SHROOM3: variants seen among roughly 807,000 people sequenced by gnomAD.
The protein encoded by SHROOM3 is shroom family member 3, also known as protein Shroom3.
In SHROOM3, 47 loss-of-function variants were observed where a neutral mutation model predicts 138.6. The ratio of observed to expected loss-of-function variants is 0.34; its 90% CI spans 0.27 to 0.43. The LOEUF (loss-of-function observed/expected upper bound fraction) is 0.43. Among genes scored for constraint, SHROOM3 ranks in the 20% least tolerant of loss-of-function variants. The pLI, the probability that SHROOM3 is intolerant of heterozygous loss-of-function variation, is 1.00. For missense variants in SHROOM3, 2,491 were observed against 2,596.5 expected (o/e 0.96, Z 0.88); for synonymous variants, 1,062 against 1,063.3 (o/e 1.00, Z 0.02).
At chr4:76,465,872 G>A (rs1030498113) in intron 1 of SHROOM3, among the ~76,000 whole-genome samples, 5 of 152,160 alleles carry the variant, frequency 3.3e-5, no homozygotes, top group Non-Finnish European at 5.9e-5. Flanking sequence ...AACTAAATAT[G>A]CCATGCATAA....
intron 3 of SHROOM3, among the ~76,000 whole-genome samples, chr4:76,716,616 T>C (rs1720384886): frequency 6.6e-6 from 1 of 152,242 alleles, no homozygotes; most frequent in African/African-American, 2.4e-5. Flanking sequence ...TTTGGTGTAG[T>C]ATTAATATTT....
At chr4:76,496,382 G>A (rs1055093305) in intron 1 of SHROOM3, among the ~76,000 whole-genome samples, 6 of 152,206 alleles carry the variant, frequency 3.9e-5, no homozygotes, top group Non-Finnish European at 7.3e-5. Context: ...CGTGGAGCAG[G>A]TGTCCCTAAT....
chr4:76,608,805 C>A (rs1045621055), intron 2 of SHROOM3, among the ~76,000 whole-genome samples: 4 of 152,138 alleles, frequency 2.6e-5, no homozygotes, highest in African/African-American at 7.2e-5. Context: ...GTGGAATAAC[C>A]TTGAGCAAGT....
chr4:76,622,406 A>T (rs1461991269), intron 2 of SHROOM3, among the ~76,000 whole-genome samples: 1 of 151,868 alleles, frequency 6.6e-6, no homozygotes, highest in Non-Finnish European at 1.5e-5. Flanking sequence ...AACATTCTTG[A>T]CTCCTGAGGC....
rs760622199 is a variant in SHROOM3 at position 76,738,913 on chromosome 4, A to G, written c.740A>G (p.Asp247Gly). 6.2e-7 allele frequency: 1 copy of G among 1,614,192 alleles called. No homozygotes were observed. Among genetic ancestry groups the G allele is most frequent in the East Asian group, 2.2e-5 (1 of 44,880 alleles). Reference protein sequence around the residue: ...LSPAKSTGSIDQLSHFHNKRD... With the variant: ...LSPAKSTGSIGQLSHFHNKRD... Reference sequence around the variant, plus strand: ...CCTGCCAAGTCCACCGGCAGCATTGACCAGCTCAGCCACTTCCATAACAAG... The same window carrying G: ...CCTGCCAAGTCCACCGGCAGCATTGGCCAGCTCAGCCACTTCCATAACAAG... The change falls in exon 5 of 11, where the codon GAC becomes GGC. Residue 247 changes from aspartate (D) to glycine (G), a missense_variant. Physicochemically the swap from Asp to Gly is moderately conservative, Grantham distance 94 (BLOSUM62 -1). Around this residue, in one of 4 missense-constraint regions of SHROOM3, gnomAD observed 284 missense variants for 322.8 expected, o/e 0.88. Coordinates refer to ENST00000296043, the MANE Select transcript of SHROOM3 (RefSeq NM_020859.4).
At chr4:76,441,814 C>T (rs1730697394) in intron 1 of SHROOM3, among the ~76,000 whole-genome samples, 2 of 152,178 alleles carry the variant, frequency 1.3e-5, no homozygotes, top group Non-Finnish European at 2.9e-5. Flanking sequence ...CCTCTGCCTC[C>T]TGGGTTCAAG....
intron 2 of SHROOM3, among the ~76,000 whole-genome samples, chr4:76,602,465 G>A (rs1229601424): frequency 2.6e-5 from 4 of 151,354 alleles, no homozygotes; most frequent in Non-Finnish European, 5.9e-5. Context: ...ACAGCCATAT[G>A]TTAATTTTCT....
At chr4:76,690,934 G>A (rs1013350484) in intron 2 of SHROOM3, among the ~76,000 whole-genome samples, 1 of 152,064 alleles carries the variant, frequency 6.6e-6, no homozygotes, top group African/African-American at 2.4e-5. Flanking sequence ...TTAAAAAAAT[G>A]TTATAACCAA....
At chr4:76,627,243 C>T (rs1735172207) in intron 2 of SHROOM3, among the ~76,000 whole-genome samples, 2 of 152,256 alleles carry the variant, frequency 1.3e-5, no homozygotes, top group South Asian at 4.1e-4. Flanking sequence ...TTCTGGAGAG[C>T]AGCCTGCAGG....
At chr4:76,724,269 C>T (rs1240879840) in intron 3 of SHROOM3, among the ~76,000 whole-genome samples, 1 of 152,198 alleles carries the variant, frequency 6.6e-6, no homozygotes, top group Non-Finnish European at 1.5e-5. Flanking sequence ...TTCTGACTTA[C>T]TGATATGCTC....
intron 1 of SHROOM3, among the ~76,000 whole-genome samples, chr4:76,480,982 C>T (rs1019234524): frequency 8.6e-5 from 13 of 151,932 alleles, no homozygotes; most frequent in African/African-American, 2.2e-4. Context: ...CAGCTAAAGC[C>T]GTGTTTAGAG....
chr4:76,551,884 C>T lies in SHROOM3; in HGVS notation c.169-3725C>T, dbSNP rs532695814. Among the ~76,000 whole-genome samples the T allele has an allele frequency of 4.7e-4, 71 of 151,328 alleles. 1 individual carries two copies. In the South Asian group the frequency reaches 0.014, roughly 30 times the overall value. The stretch of plus-strand genomic sequence containing the variant: ...TTATTATTATTATTTTTTTTTGAGA[C>T]AGAGTCTCGCTCTGTCACCCAGGCT... On this transcript the variant is annotated intron_variant, in intron 1 of 10. Transcript: ENST00000296043.
intron 2 of SHROOM3, among the ~76,000 whole-genome samples, chr4:76,653,550 CTTCA>C (rs962674298): frequency 1.4e-4 from 21 of 150,804 alleles, no homozygotes; most frequent in African/African-American, 3.2e-4. Flanking sequence ...GTCTTCATTT[CTTCA>C]TTCATTTTAT....
intron 1 of SHROOM3, among the ~76,000 whole-genome samples, chr4:76,464,244 G>C (rs1282272065): frequency 6.6e-6 from 1 of 152,224 alleles, no homozygotes; most frequent in Non-Finnish European, 1.5e-5. Context: ...GTGATACATG[G>C]AGTCAAAGGA....
At chr4:76,545,651 A>T (rs1216089083) in intron 1 of SHROOM3, among the ~76,000 whole-genome samples, 1 of 152,198 alleles carries the variant, frequency 6.6e-6, no homozygotes, top group Non-Finnish European at 1.5e-5. Flanking sequence ...AAAAGTATTA[A>T]ACCTTTAAAA....
intron 2 of SHROOM3, among the ~76,000 whole-genome samples, chr4:76,607,321 C>T (rs964869727): frequency 9.9e-5 from 15 of 151,366 alleles, no homozygotes; most frequent in Admixed American, 6.6e-4. Flanking sequence ...CACTCCCACA[C>T]TCTGAGGAAT....
At chr4:76,441,964 T>G (rs1180169866) in intron 1 of SHROOM3, among the ~76,000 whole-genome samples, 1 of 152,076 alleles carries the variant, frequency 6.6e-6, no homozygotes, top group Non-Finnish European at 1.5e-5. Context: ...TCGAGTGATG[T>G]ACCTACCTCG....
chr4:76,636,954 G>A lies in SHROOM3; in HGVS notation c.324-73202G>A, dbSNP rs113991142. 7.4e-3 allele frequency among the ~76,000 whole-genome samples: 1,127 copies of A among 152,266 alleles called. 14 individuals carry two copies. The highest frequency in any genetic ancestry group is 0.026 in the African/African-American group (1,078 of 41,540). ...GATTAATATTAGAAGTTCTTTGGTC[G>A]TTATTTAGAAGTTTGGTGATGTTTT... On this transcript the variant is annotated intron_variant, in intron 2 of 10. Transcript: ENST00000296043.
chr4:76,579,883 T>C (rs982296641), intron 2 of SHROOM3, among the ~76,000 whole-genome samples: 2 of 152,232 alleles, frequency 1.3e-5, no homozygotes, highest in African/African-American at 4.8e-5. Context: ...TCGTTGTGTC[T>C]TACTCTTTGA....
Sources: gnomAD v4.1 joint callset for allele counts (sites outside exome capture counted in the v4.1 genomes callset) on GRCh38, gnomAD v4.1.1 for gene constraint, gnomAD v4.1.1 regional missense constraint, MANE v1.5 for transcripts, NCBI Gene and HGNC (gene_info 2026-07-23, HGNC 2026-07-21) for gene names.